GATB: variants seen among roughly 807,000 people sequenced by gnomAD.
GATB encodes the protein glutamyl-tRNA(Gln) amidotransferase subunit B, mitochondrial.
A neutral mutation model predicts 62.3 loss-of-function variants in GATB; 39 were observed. The observed-to-expected ratio is 0.63, with a 90% CI of 0.48 to 0.82. The LOEUF is 0.82. Ranked by LOEUF, GATB falls within the 40% of genes least tolerant of loss-of-function variation. The probability of loss-of-function intolerance (pLI) is 0.00; values close to 1 mark genes in which losing one functional copy is unlikely to be tolerated. For missense variants in GATB, 670 were observed against 684.0 expected (o/e 0.98, Z 0.23); for synonymous variants, 276 against 258.9 (o/e 1.07, Z -0.63).
At chr4:151,697,953 GTATATATATATATATATATATA>G (rs56231389) in intron 9 of GATB, among the ~76,000 whole-genome samples, 58 of 40,610 alleles carry the variant, frequency 1.4e-3, no homozygotes, top group African/African-American at 3.0e-3. Flanking sequence ...GTGTGTGTGT[GTATATATATATATATATATATA>G]TATATATATA....
chr4:151,735,280 G>A (rs564470198), intron 2 of GATB, among the ~76,000 whole-genome samples: 1 of 149,586 alleles, frequency 6.7e-6, no homozygotes, highest in Non-Finnish European at 1.5e-5. Flanking sequence ...GTGGGCTAAG[G>A]GCATGAATAG....
At chr4:151,733,444 C>T (rs1739308032) in intron 2 of GATB, among the ~76,000 whole-genome samples, 1 of 152,102 alleles carries the variant, frequency 6.6e-6, no homozygotes, top group Non-Finnish European at 1.5e-5. Flanking sequence ...CTGAACAGAC[C>T]AATAACAAGC....
intron 9 of GATB, among the ~76,000 whole-genome samples, chr4:151,690,063 C>T (rs1362557972): frequency 1.3e-5 from 2 of 152,184 alleles, no homozygotes; most frequent in African/African-American, 4.8e-5. Flanking sequence ...GTTCACACTG[C>T]ACCTAAGGCT....
At chr4:151,734,901 T>G (rs1444798028) in intron 2 of GATB, among the ~76,000 whole-genome samples, 1 of 152,130 alleles carries the variant, frequency 6.6e-6, no homozygotes, top group East Asian at 1.9e-4. Context: ...CATACTGCAT[T>G]CTCATCTCTC....
At chr4:151,722,479 TAC>T (rs1160930729) in intron 2 of GATB, 1 of 436,918 alleles carries the variant, frequency 2.3e-6, no homozygotes, top group Non-Finnish European at 4.0e-6. Flanking sequence ...AACTCCTGCC[TAC>T]ATCTTCAATT....
chr4:151,749,994 G>A (rs1212337303), intron 2 of GATB, among the ~76,000 whole-genome samples: 1 of 151,970 alleles, frequency 6.6e-6, no homozygotes, highest in Non-Finnish European at 1.5e-5. Context: ...CCATTCTCCT[G>A]CCTCAGCCTC....
At chr4:151,759,439 G>C (rs1388316214) in intron 1 of GATB, among the ~76,000 whole-genome samples, 2 of 151,952 alleles carry the variant, frequency 1.3e-5, no homozygotes, top group Non-Finnish European at 2.9e-5. Flanking sequence ...ACCATGTTTT[G>C]GTTTGCATGT....
At position 151,670,593 on chromosome 4, in the gene GATB, G is replaced by A. The variant is rs1432845288; in HGVS notation, c.*581C>T. 6.6e-6 allele frequency: 1 copy of A among 152,214 alleles called. No individual in the cohort carries two copies. The highest frequency in any genetic ancestry group is 2.4e-5 in the African/African-American group (1 of 41,432). 9.4% of individuals were successfully genotyped at this position (152,214 alleles called of 1,614,324 possible). A position where few individuals can be genotyped will look rare whatever the true frequency, so the allele number is the denominator to read the frequency against. Reference sequence around the variant, plus strand: ...ATCACTTCTACTCAGTCGATAGGTTGATTAATTCTAATAATATCCTCCTTC... The same window carrying A: ...ATCACTTCTACTCAGTCGATAGGTTAATTAATTCTAATAATATCCTCCTTC... On this transcript the variant is annotated 3_prime_UTR_variant, in exon 13 of 13. Transcript: ENST00000263985.
chr4:151,748,701 A>G (rs1739653960), intron 2 of GATB, among the ~76,000 whole-genome samples: 1 of 152,256 alleles, frequency 6.6e-6, no homozygotes, highest in African/African-American at 2.4e-5. Flanking sequence ...ACAGCAAAAG[A>G]AACTACCATC....
intron 10 of GATB, among the ~76,000 whole-genome samples, chr4:151,686,673 T>C (rs1738256649): frequency 1.8e-4 from 2 of 11,044 alleles, no homozygotes; most frequent in Admixed American, 1.0e-3. Context: ...ACCCCCCAGT[T>C]TCCTGGTTTT....
chr4:151,747,720 T>C (rs1739630358), intron 2 of GATB, among the ~76,000 whole-genome samples: 2 of 152,188 alleles, frequency 1.3e-5, no homozygotes, highest in Non-Finnish European at 2.9e-5. Context: ...TACAGATGCC[T>C]AAGGACAATG....
chr4:151,698,633 G>A lies in GATB; in HGVS notation c.1197+2696C>T, dbSNP rs564342457. Reference sequence around the variant, plus strand: ...CATTTTCGGGTATGTTATGAGTAACGCCGCTTCCAATGATTACAAAGTCAT... The same window carrying A: ...CATTTTCGGGTATGTTATGAGTAACACCGCTTCCAATGATTACAAAGTCAT... On this transcript the variant is annotated intron_variant, in intron 9 of 12. Coordinates refer to ENST00000263985, the MANE Select transcript of GATB (RefSeq NM_004564.3). Among the ~76,000 whole-genome samples, 19 of 152,234 alleles carry A rather than the reference G, an allele frequency of 1.2e-4. No homozygotes were observed. The South Asian group carries it at 3.7e-3, about 30-fold the overall frequency.
intron 10 of GATB, among the ~76,000 whole-genome samples, chr4:151,681,646 A>G (rs6832562): frequency 0.6 from 90,751 of 152,040 alleles, 29,636 homozygotes; most frequent in African/African-American, 0.88. Context: ...AGGCCCATAC[A>G]AGTCGATGAT....
At chr4:151,738,968 G>T (rs918457274) in intron 2 of GATB, among the ~76,000 whole-genome samples, 2 of 152,200 alleles carry the variant, frequency 1.3e-5, no homozygotes, top group Non-Finnish European at 2.9e-5. Flanking sequence ...ATCAACTGGG[G>T]TTGGAGCCCC....
chr4:151,744,186 T>G (rs1163935834), intron 2 of GATB, among the ~76,000 whole-genome samples: 2 of 152,168 alleles, frequency 1.3e-5, no homozygotes, highest in African/African-American at 2.4e-5. Flanking sequence ...ATAAAGAAGT[T>G]TAAAAAATAG....
chr4:151,677,927 C>G (rs959759443), intron 11 of GATB: 1 of 152,066 alleles, frequency 6.6e-6, no homozygotes, highest in Non-Finnish European at 1.5e-5. Flanking sequence ...TGCTATCTTT[C>G]CTTCCTCCCT....
chr4:151,728,456 TC>T (rs1455568865), intron 2 of GATB, among the ~76,000 whole-genome samples: 1 of 152,198 alleles, frequency 6.6e-6, no homozygotes, highest in Non-Finnish European at 1.5e-5. Context: ...ATGGCCAAGA[TC>T]TTTAGTGAAG....
chr4:151,752,931 G>C (rs1422740239), intron 2 of GATB, among the ~76,000 whole-genome samples: 1 of 152,172 alleles, frequency 6.6e-6, no homozygotes, highest in African/African-American at 2.4e-5. Flanking sequence ...CAGGTGGCCA[G>C]ACAGATTTTT....
intron 2 of GATB, chr4:151,723,694 T>C (rs1241305543): frequency 6.6e-6 from 1 of 152,222 alleles, no homozygotes; most frequent in African/African-American, 2.4e-5. Flanking sequence ...TGACCCTACA[T>C]GTTTTCTCAA....
Sources: gnomAD v4.1 joint callset for allele counts (sites outside exome capture counted in the v4.1 genomes callset) on GRCh38, gnomAD v4.1.1 for gene constraint, MANE v1.5 for transcripts, NCBI Gene and HGNC (gene_info 2026-07-23, HGNC 2026-07-21) for gene names.